The following CEPT1 variants were observed in gnomAD, a reference collection of about 807,000 sequenced individuals.
The protein encoded by CEPT1 is choline/ethanolamine phosphotransferase 1, also known as choline/ethanolaminephosphotransferase 1.
CEPT1 carries 7 observed loss-of-function variants against 42.6 expected under a neutral mutation model. The ratio of observed to expected loss-of-function variants is 0.16; its 90% CI spans 0.09 to 0.31. CEPT1 has a LOEUF of 0.31. Among genes scored for constraint, CEPT1 ranks in the 10% least tolerant of loss-of-function variants. CEPT1 has a pLI of 1.00. For synonymous variants in CEPT1, 171 were observed against 171.9 expected (o/e 0.99, Z 0.04); for missense variants, 306 against 502.1 (o/e 0.61, Z 3.73).
At chr1:111,148,221 A>T (rs1239255624) in intron 2 of CEPT1, among the ~76,000 whole-genome samples, 168 bp downstream of exon 2, 1 of 152,234 alleles carries the variant, frequency 6.6e-6, no homozygotes, top group Non-Finnish European at 1.5e-5. Flanking sequence ...ACACTTGCTT[A>T]TTGGAAACCA....
chr1:111,155,548 G>GT (rs1053925818), intron 2 of CEPT1, among the ~76,000 whole-genome samples: 56 of 150,524 alleles, frequency 3.7e-4, no homozygotes, highest in African/African-American at 1.3e-3. Context: ...TTTTTTGGGG[G>GT]TTTTTTTTGA....
rs1287516317 is a variant in CEPT1 at position 111,147,738 on chromosome 1, G to T, written c.24G>T (p.Arg8Ser). ...CCATGAGTGGGCATCGATCAACAAG[G>T]AAAAGATGTGGAGATTCTCACCCGG... The part of the protein sequence containing the change: MSGHRST[R>S]KRCGDSHPES... The change falls in exon 2 of 9, where the codon AGG becomes AGT. Residue 8 changes from arginine (R) to serine (S), a missense_variant. Around this residue, in one of 2 missense-constraint regions of CEPT1, gnomAD observed 53 missense variants for 54.8 expected, o/e 0.97. Transcript: ENST00000357172. The T allele has an allele frequency of 1.2e-6, 2 of 1,610,378 alleles. No homozygotes were observed. Among genetic ancestry groups the T allele is most frequent in the Non-Finnish European group, 1.7e-6 (2 of 1,177,400 alleles).
chr1:111,165,189 C>T (rs985985466), intron 4 of CEPT1, among the ~76,000 whole-genome samples: 1 of 150,628 alleles, frequency 6.6e-6, no homozygotes, highest in Non-Finnish European at 1.5e-5. Context: ...GCTGGGACTA[C>T]AGGCACCCGC....
At chr1:111,144,952 TTG>T (rs1459575286) in intron 1 of CEPT1, among the ~76,000 whole-genome samples, 3 of 152,166 alleles carry the variant, frequency 2.0e-5, no homozygotes, top group African/African-American at 7.2e-5. Flanking sequence ...TGTGATACAG[TTG>T]TGTGAAAGAA....
chr1:111,159,028 C>T (rs1655731750), intron 2 of CEPT1, among the ~76,000 whole-genome samples: 1 of 148,100 alleles, frequency 6.8e-6, no homozygotes, highest in Non-Finnish European at 1.5e-5. Flanking sequence ...ATTCTCCTGC[C>T]TCAGCCTCCC....
chr1:111,174,241 T>C (rs1656564599), intron 4 of CEPT1, among the ~76,000 whole-genome samples: 1 of 152,176 alleles, frequency 6.6e-6, no homozygotes, highest in African/African-American at 2.4e-5. Flanking sequence ...TTGTCTCTTC[T>C]TGACTGTAAA....
rs1657107793 is a variant in CEPT1 at position 111,183,670 on chromosome 1, A to G, written c.1131+83A>G. The G allele has an allele frequency of 3.8e-6, 5 of 1,322,304 alleles. No individual in the cohort carries two copies. In the East Asian group the frequency reaches 9.3e-5, roughly 25 times the overall value. 81.9% of individuals were successfully genotyped at this position (1,322,304 alleles called of 1,614,324 possible). A position where few individuals can be genotyped will look rare whatever the true frequency, so the allele number is the denominator to read the frequency against. On this transcript the variant is annotated intron_variant, in intron 8 of 8. Transcript: ENST00000357172. The stretch of plus-strand genomic sequence containing the variant: ...CTTATTTTGATGACCCAGTCATGAA[A>G]GATCGTTCATATAATTGTAATGATT...
At chr1:111,157,433 A>G (rs982879972) in intron 2 of CEPT1, among the ~76,000 whole-genome samples, 7 of 152,224 alleles carry the variant, frequency 4.6e-5, no homozygotes, top group African/African-American at 1.7e-4. Flanking sequence ...TGAGCATTCA[A>G]AATCTACCTA....
At chr1:111,178,373 A>G (rs562506057) in intron 5 of CEPT1, 3 of 152,300 alleles carry the variant, frequency 2.0e-5, no homozygotes, top group East Asian at 3.9e-4. Flanking sequence ...CATCTATTAC[A>G]TATGGATTAC....
intron 2 of CEPT1, among the ~76,000 whole-genome samples, chr1:111,152,226 T>C (rs1655315589): frequency 6.6e-6 from 1 of 152,212 alleles, no homozygotes; most frequent in Non-Finnish European, 1.5e-5. Context: ...AAAAATAACT[T>C]GTTAGATTTT....
chr1:111,164,055 TG>T (rs1656009674), intron 4 of CEPT1, among the ~76,000 whole-genome samples: 2 of 152,340 alleles, frequency 1.3e-5, no homozygotes, highest in African/African-American at 4.8e-5. Context: ...TAAAATAGAA[TG>T]TTTGCCAGAT....
Position 111,169,476 on chromosome 1 carries a change from T to C in CEPT1, c.630-5403T>C, listed in dbSNP as rs111925782. ...TATCTACTTTCACCTTGTTTGTCTA[T>C]GATAACAAAGTACCCTATATTTATA... On this transcript the variant is annotated intron_variant, in intron 4 of 8. Coordinates refer to ENST00000357172, the MANE Select transcript of CEPT1 (RefSeq NM_006090.5). Among the ~76,000 whole-genome samples, 918 of 152,318 alleles carry C rather than the reference T, an allele frequency of 6.0e-3. 11 individuals carry two copies. The highest frequency in any genetic ancestry group is 0.021 in the African/African-American group (867 of 41,560).
intron 2 of CEPT1, among the ~76,000 whole-genome samples, chr1:111,155,047 CAGA>C (rs1262396375): frequency 6.6e-6 from 1 of 152,100 alleles, no homozygotes; most frequent in Non-Finnish European, 1.5e-5. Context: ...GGAATAGTTT[CAGA>C]AGAATTGGTG....
At chr1:111,140,139 C>A (rs1654310866), upstream of CEPT1, 1 of 152,216 alleles carries the variant, frequency 6.6e-6, no homozygotes, top group South Asian at 2.1e-4. Context: ...CCGGCCGGCC[C>A]CGGGGCGCGC....
intron 4 of CEPT1, among the ~76,000 whole-genome samples, chr1:111,172,934 A>G (rs763868461): frequency 2.0e-5 from 3 of 152,252 alleles, no homozygotes; most frequent in Non-Finnish European, 2.9e-5. Flanking sequence ...AATTCTGTCA[A>G]AAGTTTCAAA....
At position 111,182,951 on chromosome 1, in the gene CEPT1, G is replaced by A. The variant is rs1340256901; in HGVS notation, c.999G>A (p.Lys333=). The change falls in exon 7 of 9, where the codon AAG becomes AAA. Residue 333 remains lysine (K), a synonymous_variant. Coordinates refer to ENST00000357172, the MANE Select transcript of CEPT1 (RefSeq NM_006090.5). ...TTGTGTCTGCTAAAATCACTAATAA[G>A]CTTGTGGTAAGCACCTGAGTTTTTA... is the stretch of plus-strand genomic sequence containing the variant. The part of the protein sequence containing the change: ...FGFVSAKITN[K]LVVAHMTKSE... 1 of 1,610,958 alleles carries A rather than the reference G, an allele frequency of 6.2e-7. No individual in the cohort carries two copies. The highest frequency in any genetic ancestry group is 1.7e-5 in the Admixed American group (1 of 59,538).
chr1:111,152,178 TA>T (rs1655313280), intron 2 of CEPT1, among the ~76,000 whole-genome samples: 1 of 152,248 alleles, frequency 6.6e-6, no homozygotes, highest in Non-Finnish European at 1.5e-5. Context: ...TTTTTGTTTT[TA>T]TATTGCTAGT....
intron 1 of CEPT1, among the ~76,000 whole-genome samples, chr1:111,145,844 AG>A (rs1654931455): frequency 6.6e-6 from 1 of 151,786 alleles, no homozygotes; most frequent in African/African-American, 2.4e-5. Context: ...CACCCCAGAC[AG>A]GGGGGAACCT....
intron 4 of CEPT1, among the ~76,000 whole-genome samples, chr1:111,165,497 AAT>A (rs1656103845): frequency 6.6e-6 from 1 of 152,210 alleles, no homozygotes; most frequent in Non-Finnish European, 1.5e-5. Flanking sequence ...CTCAAATGTT[AAT>A]CTCTAAGTTA....
Sources: gnomAD v4.1 joint callset for allele counts (sites outside exome capture counted in the v4.1 genomes callset) on GRCh38, gnomAD v4.1.1 for gene constraint, gnomAD v4.1.1 regional missense constraint, MANE v1.5 for transcripts, NCBI Gene and HGNC (gene_info 2026-07-23, HGNC 2026-07-21) for gene names.